RPS6KA5: variants seen among roughly 807,000 people sequenced by gnomAD.
The protein encoded by RPS6KA5 is ribosomal protein S6 kinase alpha-5.
A neutral mutation model predicts 85.5 loss-of-function variants in RPS6KA5; 27 were observed. The ratio of observed to expected loss-of-function variants is 0.32; its 90% confidence interval spans 0.23 to 0.44. The LOEUF (loss-of-function observed/expected upper bound fraction) is 0.44. Among genes scored for constraint, RPS6KA5 ranks in the 20% least tolerant of loss-of-function variants. The pLI, the probability that RPS6KA5 is intolerant of heterozygous loss-of-function variation, is 1.00. For synonymous variants in RPS6KA5, 334 were observed against 348.2 expected (o/e 0.96, Z 0.46); for missense variants, 811 against 980.9 (o/e 0.83, Z 2.31).
At chr14:90,966,684 T>C (rs114242758) in intron 3 of RPS6KA5, among the ~76,000 whole-genome samples, 26 of 152,204 alleles carry the variant, frequency 1.7e-4, no homozygotes, top group Admixed American at 1.7e-3. Context: ...CAAGGACAAT[T>C]TTCTCTCTGC....
chr14:90,988,777 C>T (rs967632563), intron 2 of RPS6KA5, among the ~76,000 whole-genome samples: 1 of 152,116 alleles, frequency 6.6e-6, no homozygotes, highest in African/African-American at 2.4e-5. Context: ...CATGCCACTG[C>T]ACTCCAGTCT....
At position 90,860,121 on chromosome 14, in the gene RPS6KA5, A is replaced by G. The variant is rs1236267179; in HGVS notation, c.*11953T>C. 6.6e-6 allele frequency: 1 copy of G among 152,226 alleles called. No homozygotes were observed. The highest frequency in any genetic ancestry group is 1.5e-5 in the Non-Finnish European group (1 of 68,048). The allele number at this position is 152,226 out of a possible 1,614,324, so 9.4% of individuals were successfully genotyped here. A position where few individuals can be genotyped will look rare whatever the true frequency, so the allele number is the denominator to read the frequency against. On this transcript the variant is annotated 3_prime_UTR_variant, in exon 17 of 17. Transcript: ENST00000614987. ...ACTTAAAAGTATAATAAAAAATAAA[A>G]ACAAAGACGAAGAGAAAATCTTAAA...
At chr14:90,883,960 G>A (rs1440753845) in intron 14 of RPS6KA5, among the ~76,000 whole-genome samples, 2 of 152,164 alleles carry the variant, frequency 1.3e-5, no homozygotes, top group African/African-American at 4.8e-5. Context: ...AGTTGCTTTG[G>A]AATGTATGAG....
At chr14:90,992,541 A>G (rs1190146934) in intron 2 of RPS6KA5, among the ~76,000 whole-genome samples, 1 of 152,222 alleles carries the variant, frequency 6.6e-6, no homozygotes, top group African/African-American at 2.4e-5. Flanking sequence ...TGATATTAAA[A>G]ATTTCACATA....
chr14:90,945,966 T>C (rs937518282), intron 4 of RPS6KA5, among the ~76,000 whole-genome samples: 2 of 152,146 alleles, frequency 1.3e-5, no homozygotes, highest in African/African-American at 4.8e-5. Flanking sequence ...ATTGCACCAC[T>C]ACACTGGACT....
At chr14:90,951,168 GATACACC>G (rs1339948817) in intron 3 of RPS6KA5, among the ~76,000 whole-genome samples, 8 of 143,804 alleles carry the variant, frequency 5.6e-5, no homozygotes, top group Non-Finnish European at 1.2e-4. Context: ...GTCTGTAGTT[GATACACC>G]ATACTTTCAA....
rs1376139294 is a variant in RPS6KA5, at chr14:91,060,493, C to T, written c.-59G>A. ...CGAGGGGAACCCAGGAGACAGCGGA[C>T]GCCCGTCCCCTCGCAGCCGCTGCCG... On this transcript the variant is annotated 5_prime_UTR_variant, in exon 1 of 17. Coordinates refer to ENST00000614987, the MANE Select transcript of RPS6KA5 (RefSeq NM_004755.4). 2.3e-6 allele frequency: 3 copies of T among 1,296,346 alleles called. No homozygotes were observed. Among genetic ancestry groups the T allele is most frequent in the Non-Finnish European group, 3.0e-6 (3 of 1,013,016 alleles). 80.3% of individuals were successfully genotyped at this position (1,296,346 alleles called of 1,614,324 possible).
At chr14:91,011,759 G>A (rs904528596) in intron 1 of RPS6KA5, among the ~76,000 whole-genome samples, 2 of 152,072 alleles carry the variant, frequency 1.3e-5, no homozygotes, top group Non-Finnish European at 2.9e-5. Flanking sequence ...ATGAAAAGAC[G>A]AATAGCATAA....
intron 2 of RPS6KA5, among the ~76,000 whole-genome samples, chr14:90,990,640 A>ACG (rs2040266017): frequency 6.6e-6 from 1 of 152,176 alleles, no homozygotes; most frequent in Non-Finnish European, 1.5e-5. Flanking sequence ...ATCAACCTAG[A>ACG]CGCCCATCAA....
intron 3 of RPS6KA5, among the ~76,000 whole-genome samples, chr14:90,948,927 T>C (rs2038026849): frequency 6.6e-6 from 1 of 152,240 alleles, no homozygotes; most frequent in South Asian, 2.1e-4. Flanking sequence ...ATTTTTCTTT[T>C]ACTTTGTCCA....
At chr14:90,971,147 T>C (rs1365736063) in intron 3 of RPS6KA5, among the ~76,000 whole-genome samples, 2 of 151,974 alleles carry the variant, frequency 1.3e-5, no homozygotes, top group Admixed American at 1.3e-4. Context: ...TGAAACCCTG[T>C]CCCTACTAAA....
chr14:90,922,768 T>C (rs1372950431), intron 6 of RPS6KA5, among the ~76,000 whole-genome samples: 1 of 152,152 alleles, frequency 6.6e-6, no homozygotes, highest in Non-Finnish European at 1.5e-5. Flanking sequence ...GTTTGTACTC[T>C]AAGAAATAGG....
chr14:91,006,250 T>C (rs1295701356), intron 1 of RPS6KA5, among the ~76,000 whole-genome samples: 1 of 152,188 alleles, frequency 6.6e-6, no homozygotes, highest in Non-Finnish European at 1.5e-5. Flanking sequence ...ATTTCTTCCA[T>C]GGCCTGACAG....
chr14:90,946,281 T>G (rs1235874822), intron 4 of RPS6KA5, among the ~76,000 whole-genome samples: 1 of 144,840 alleles, frequency 6.9e-6, no homozygotes, highest in African/African-American at 2.6e-5. Context: ...TCCTCTCCAT[T>G]GTGCTGCAGC....
intron 3 of RPS6KA5, among the ~76,000 whole-genome samples, chr14:90,967,893 T>C (rs1245426587): frequency 6.6e-6 from 1 of 152,210 alleles, no homozygotes; most frequent in Non-Finnish European, 1.5e-5. Context: ...GTGTCCCATC[T>C]TGTCTTTCTT....
At chr14:91,008,808 A>G (rs2041137657) in intron 1 of RPS6KA5, among the ~76,000 whole-genome samples, 1 of 152,232 alleles carries the variant, frequency 6.6e-6, no homozygotes, top group Non-Finnish European at 1.5e-5. Context: ...GCTCTTCACT[A>G]CATAAAAGTA....
chr14:90,973,623 A>C (rs2039423385), intron 3 of RPS6KA5, among the ~76,000 whole-genome samples: 1 of 152,162 alleles, frequency 6.6e-6, no homozygotes, highest in Admixed American at 6.5e-5. Flanking sequence ...GAACCAGTTA[A>C]GTATACAATG....
At position 90,858,540 on chromosome 14, in the gene RPS6KA5, A is replaced by G. The variant is rs1566660708; in HGVS notation, c.*13534T>C. On this transcript the variant is annotated 3_prime_UTR_variant, in exon 17 of 17. Transcript: ENST00000614987. The stretch of plus-strand genomic sequence containing the variant: ...ACTAGAGCTAAACGAAAGTAATAAT[A>G]AAAGCGAGAGTTCGTGGCAAAGTTA... 1 of 152,248 alleles carries G rather than the reference A, an allele frequency of 6.6e-6. No homozygotes were observed. Among genetic ancestry groups the G allele is most frequent in the Non-Finnish European group, 1.5e-5 (1 of 68,052 alleles). The allele number at this position is 152,248 out of a possible 1,614,324, so 9.4% of individuals were successfully genotyped here.
At chr14:91,056,867 C>CTT (rs34807092) in intron 1 of RPS6KA5, among the ~76,000 whole-genome samples, 424 of 38,878 alleles carry the variant, frequency 0.011, 96 homozygotes, top group East Asian at 0.053. Context: ...GCAGTATTAT[C>CTT]TTTTTTTTTT....
Sources: gnomAD v4.1 joint callset for allele counts (sites outside exome capture counted in the v4.1 genomes callset) on GRCh38, gnomAD v4.1.1 for gene constraint, MANE v1.5 for transcripts, NCBI Gene and HGNC (gene_info 2026-07-23, HGNC 2026-07-21) for gene names.